The following NOC3L variants were observed in gnomAD, a reference collection of about 807,000 sequenced individuals.
The protein encoded by NOC3L is NOC3 like DNA replication regulator.
Under a neutral mutation model 102.5 loss-of-function variants are expected in NOC3L, and 85 were observed. The observed-to-expected ratio is 0.83, with a 90% CI of 0.70 to 0.99. The LOEUF (loss-of-function observed/expected upper bound fraction) is 0.99. NOC3L is among the 50% of genes least tolerant of loss of function. The probability of loss-of-function intolerance (pLI) is 0.00; values close to 1 mark genes in which losing one functional copy is unlikely to be tolerated. For synonymous variants in NOC3L, 303 were observed against 309.4 expected (o/e 0.98, Z 0.22); for missense variants, 878 against 914.9 (o/e 0.96, Z 0.52).
chr10:94,329,323 CTT>C (rs2054128755), downstream of NOC3L: 1 of 152,186 alleles, frequency 6.6e-6, no homozygotes, highest in African/African-American at 2.4e-5. Context: ...AAAACCCAAA[CTT>C]TTATCTTTCC....
At chr10:94,317,672 GCAA>G in the NOC3L span, among the ~76,000 whole-genome samples, 1 of 152,162 alleles carries the variant, frequency 6.6e-6, no homozygotes, top group Admixed American at 6.5e-5. Context: ...AGGAAAGGAT[GCAA>G]CAACTGCCAT....
At chr10:94,340,042 A>G (rs1386793697) in intron 16 of NOC3L, 122 bp from the exon 17 acceptor site, 2 of 851,920 alleles carry the variant, frequency 2.3e-6, no homozygotes, top group East Asian at 2.6e-5. Flanking sequence ...TCTCTAATCA[A>G]TGAGGTAGTG....
At chr10:94,320,203 A>G in the NOC3L span, among the ~76,000 whole-genome samples, 1 of 152,164 alleles carries the variant, frequency 6.6e-6, no homozygotes, top group African/African-American at 2.4e-5. Flanking sequence ...GTAAAACAGT[A>G]TACATAGGAT....
Position 94,350,372 on chromosome 10 carries a change from TAACACACATA to T in NOC3L, c.953-94_953-85del, listed in dbSNP as rs1444033955. On this transcript the variant is annotated intron_variant, in intron 8 of 20. Transcript: ENST00000371361. ...TTTCTTTTACAATCAATGTACATTTTAACACACATAAACACACACACACACATTCCCACAC... is the reference window on the plus strand; with the variant it reads ...TTTCTTTTACAATCAATGTACATTTTAACACACACACACACATTCCCACAC... 3 of 1,162,012 alleles carry T rather than the reference TAACACACATA, an allele frequency of 2.6e-6. No individual in the cohort carries two copies. In the African/African-American group the frequency reaches 4.5e-5, roughly 18 times the overall value. The allele number at this position is 1,162,012 out of a possible 1,614,324, so 72.0% of individuals were successfully genotyped here.
chr10:94,325,578 A>G, the NOC3L span: 1 of 151,980 alleles, frequency 6.6e-6, no homozygotes, highest in East Asian at 1.9e-4. Context: ...CTGGGCAATG[A>G]GAGTGAAAAC....
Position 94,334,269 on chromosome 10 carries a change from C to T in NOC3L, c.2311G>A (p.Asp771Asn), listed in dbSNP as rs1347386314. ...TATCTTTTGATTAGCTGATTTAAAT[C>T]TTCATTCAAAAATGAATCCCCTTGT... Reference protein sequence around the residue: ...FLQGDSFLNEDLNQLIKRYSS... With the variant: ...FLQGDSFLNENLNQLIKRYSS... The change falls in exon 21 of 21, where the codon GAT becomes AAT. Residue 771 changes from aspartate (D) to asparagine (N), a missense_variant. Coordinates refer to ENST00000371361, the MANE Select transcript of NOC3L (RefSeq NM_022451.11). 4 of 1,609,812 alleles carry T rather than the reference C, an allele frequency of 2.5e-6. No individual in the cohort carries two copies. The East Asian group carries it at 6.7e-5, about 27-fold the overall frequency.
chr10:94,339,905 C>A lies in NOC3L; in HGVS notation c.1796G>T (p.Gly599Val), dbSNP rs770471620. 3 of 1,613,606 alleles carry A rather than the reference C, an allele frequency of 1.9e-6. No homozygotes were observed. The highest frequency in any genetic ancestry group is 2.5e-6 in the Non-Finnish European group (3 of 1,179,828). The change falls in exon 17 of 21, where the codon GGT becomes GTT. Residue 599 changes from glycine (G) to valine (V), a missense_variant. By Grantham distance (109) the Gly-to-Val change is moderately radical (BLOSUM62 -3). Transcript: ENST00000371361. ...AAGGCACTGGAGTACAATCTCAACA[C>A]CTTCATTGGTAGCACCTAAAACAGC... is the stretch of plus-strand genomic sequence containing the variant. ...FKLHAGATNE[G>V]VEIVLQCLDV...
the NOC3L span, chr10:94,315,166 C>A: frequency 3.3e-6 from 1 of 300,122 alleles, no homozygotes; most frequent in African/African-American, 2.2e-5. Flanking sequence ...CCTTTTGAGT[C>A]AACAGCATTT....
intron 6 of NOC3L, among the ~76,000 whole-genome samples, chr10:94,353,693 A>G (rs2054449722): frequency 6.6e-6 from 1 of 152,252 alleles, no homozygotes; most frequent in Non-Finnish European, 1.5e-5. Flanking sequence ...ACCTTAAAAA[A>G]TTAGTTTACA....
At position 94,337,936 on chromosome 10, in the gene NOC3L, C is replaced by G. The variant is rs1167349283; in HGVS notation, c.2092-62G>C. The G allele has an allele frequency of 8.2e-6, 10 of 1,216,646 alleles. No individual in the cohort carries two copies. In the Admixed American group the frequency reaches 1.9e-4, roughly 23 times the overall value. The allele number at this position is 1,216,646 out of a possible 1,614,324, so 75.4% of individuals were successfully genotyped here. A position where few individuals can be genotyped will look rare whatever the true frequency, so the allele number is the denominator to read the frequency against. On this transcript the variant is annotated intron_variant, in intron 18 of 20. Coordinates refer to ENST00000371361, the MANE Select transcript of NOC3L (RefSeq NM_022451.11). ...TCAGTCCTTTACAAAAAACACTAGC[C>G]ACAGCAAAGATTTTCTTAAATAAAA... is the stretch of plus-strand genomic sequence containing the variant.
At chr10:94,321,833 G>C in the NOC3L span, 162 of 1,197,038 alleles carry the variant, frequency 1.4e-4, no homozygotes, top group Admixed American at 2.6e-4. Context: ...TCAGATTTTT[G>C]CTAGATTTGT....
intron 19 of NOC3L, among the ~76,000 whole-genome samples, chr10:94,335,400 C>G (rs1379528139): frequency 6.6e-6 from 1 of 151,944 alleles, no homozygotes; most frequent in Non-Finnish European, 1.5e-5. Context: ...ATAAAATAAT[C>G]ATTATGAAGA....
chr10:94,357,107 GA>G (rs1036923988), intron 4 of NOC3L, 66 bp downstream of exon 4: 179 of 1,157,456 alleles, frequency 1.5e-4, no homozygotes, highest in African/African-American at 1.9e-4. Context: ...AATTTTGAGT[GA>G]AAAAAAAACA....
downstream of NOC3L, chr10:94,330,705 A>ATT (rs2054148280): frequency 6.6e-6 from 1 of 152,140 alleles, no homozygotes; most frequent in Non-Finnish European, 1.5e-5. Context: ...AAAAAAAAAA[A>ATT]AAAGTAAAGA....
chr10:94,357,523 C>T (rs2134011386), intron 3 of NOC3L, 192 bp from the exon 4 acceptor site: 2 of 398,082 alleles, frequency 5.0e-6, no homozygotes, highest in South Asian at 9.8e-5. Flanking sequence ...GGTAAACAAC[C>T]TACCATACAA....
chr10:94,362,138 A>C (rs1462035179), intron 1 of NOC3L, among the ~76,000 whole-genome samples: 1 of 152,212 alleles, frequency 6.6e-6, no homozygotes, highest in Non-Finnish European at 1.5e-5. Flanking sequence ...AGTAGTGGTA[A>C]GTGGCTATTC....
chr10:94,339,956 A>G, intron 16 of NOC3L, 36 bp from the exon 17 acceptor site: 1 of 1,565,650 alleles, frequency 6.4e-7, no homozygotes, highest in Non-Finnish European at 8.7e-7. Context: ...AGCTGTTCTC[A>G]TTACTTTTTC....
intron 19 of NOC3L, 135 bp from the exon 20 acceptor site, chr10:94,334,853 C>A: frequency 1.6e-6 from 1 of 643,724 alleles, no homozygotes; most frequent in African/African-American, 1.8e-5. Context: ...CCAACCAATC[C>A]AGTCACTTAA....
At chr10:94,362,157 T>C (rs1393695445) in intron 1 of NOC3L, among the ~76,000 whole-genome samples, 1 of 152,190 alleles carries the variant, frequency 6.6e-6, no homozygotes, top group African/African-American at 2.4e-5. Flanking sequence ...TCAAGGCTAG[T>C]TTAACACACC....
Sources: gnomAD v4.1 joint callset for allele counts (sites outside exome capture counted in the v4.1 genomes callset) on GRCh38, gnomAD v4.1.1 for gene constraint, MANE v1.5 for transcripts, NCBI Gene and HGNC (gene_info 2026-07-23, HGNC 2026-07-21) for gene names.